The following USH2A variants were observed in gnomAD, a reference collection of about 807,000 sequenced individuals.
The protein encoded by USH2A is usherin.
In USH2A, 443 loss-of-function variants were observed where a neutral mutation model predicts 538.9. The ratio of observed to expected loss-of-function variants is 0.82; its 90% CI spans 0.76 to 0.89. The LOEUF (loss-of-function observed/expected upper bound fraction) is 0.89. Among genes scored for constraint, USH2A ranks in the 40% least tolerant of loss-of-function variants. USH2A has a pLI of 0.00. For synonymous variants in USH2A, 2,413 were observed against 2,273.5 expected, an observed-to-expected ratio of 1.06 and a Z score of -1.75; for missense variants, 6,633 against 6,324.8, an observed-to-expected ratio of 1.05 and a Z score of -1.65.
At chr1:215,754,556 A>G (rs1269649196) in intron 58 of USH2A, among the ~76,000 whole-genome samples, 4 of 152,154 alleles carry the variant, frequency 2.6e-5, no homozygotes, top group Non-Finnish European at 5.9e-5. Context: ...TTTAGCCAGT[A>G]TTTTGGCTTT....
chr1:215,695,012 G>A (rs1402232310), intron 61 of USH2A, among the ~76,000 whole-genome samples: 1 of 152,130 alleles, frequency 6.6e-6, no homozygotes, highest in East Asian at 1.9e-4. Context: ...TGTAAGATAA[G>A]GAAATAAAAA....
chr1:216,377,829 A>AAT (rs1229839938), intron 3 of USH2A, among the ~76,000 whole-genome samples: 1 of 124,178 alleles, frequency 8.1e-6, no homozygotes, highest in Non-Finnish European at 1.8e-5. Context: ...GAAAGAAAGA[A>AAT]AGAAAGAAAG....
chr1:215,829,972 C>A (rs1663266116), intron 47 of USH2A, among the ~76,000 whole-genome samples: 1 of 152,154 alleles, frequency 6.6e-6, no homozygotes, highest in Non-Finnish European at 1.5e-5. Flanking sequence ...GCTTATCTCT[C>A]CCACTGATTA....
chr1:216,169,929 G>C (rs2034245583), intron 21 of USH2A, among the ~76,000 whole-genome samples: 1 of 151,858 alleles, frequency 6.6e-6, no homozygotes, highest in East Asian at 1.9e-4. Context: ...AAAAGAACTG[G>C]GGTTTTGTTT....
intron 16 of USH2A, 94 bp from the exon 17 acceptor site, chr1:216,200,215 A>G (rs964748140): frequency 4.7e-6 from 6 of 1,287,142 alleles, no homozygotes; most frequent in Non-Finnish European, 6.4e-6. Context: ...ATTTAATTAC[A>G]TAAACTATAC....
intron 32 of USH2A, among the ~76,000 whole-genome samples, chr1:216,046,006 G>GGTGTGTGTGT (rs59426829): frequency 0.032 from 4,338 of 137,688 alleles, 106 homozygotes; most frequent in South Asian, 0.069. Flanking sequence ...CTATTTATCT[G>GGTGTGTGTGT]GTGTGTGTGT....
intron 55 of USH2A, among the ~76,000 whole-genome samples, chr1:215,774,621 C>G (rs1215812799): frequency 1.3e-5 from 2 of 151,964 alleles, no homozygotes; most frequent in Admixed American, 6.6e-5. Context: ...TCCAGGCAGA[C>G]TTTTCTTCTC....
intron 3 of USH2A, among the ~76,000 whole-genome samples, chr1:216,395,592 TTAAC>T (rs1423316367): frequency 6.6e-6 from 1 of 152,220 alleles, no homozygotes; most frequent in Non-Finnish European, 1.5e-5. Flanking sequence ...ACAAAAATGT[TTAAC>T]TACGCAAATT....
At chr1:216,192,298 A>AATTTAATC (rs2034733462) in intron 19 of USH2A, among the ~76,000 whole-genome samples, 1 of 152,126 alleles carries the variant, frequency 6.6e-6, no homozygotes, top group Admixed American at 6.6e-5. Flanking sequence ...TTCAGATACA[A>AATTTAATC]ATTTAATCAT....
chr1:215,846,571 T>C (rs184887575), intron 44 of USH2A, among the ~76,000 whole-genome samples: 20 of 152,330 alleles, frequency 1.3e-4, no homozygotes, highest in Admixed American at 9.2e-4. Context: ...ATTGCAGTCT[T>C]ATGTAGGAAT....
chr1:215,861,726 G>A (rs901437061), intron 44 of USH2A, among the ~76,000 whole-genome samples: 3 of 152,066 alleles, frequency 2.0e-5, no homozygotes, highest in African/African-American at 4.8e-5. Flanking sequence ...ATTTCACCTG[G>A]CCATGACTAA....
At position 215,847,281 on chromosome 1, in the gene USH2A, C is replaced by T. The variant is rs563333320; in HGVS notation, c.8846-1248G>A. On this transcript the variant is annotated intron_variant, in intron 44 of 71. Transcript: ENST00000307340. The stretch of plus-strand genomic sequence containing the variant: ...ATTTTCAGAGACTTTTAAGCAGAAA[C>T]GATTACCTTAGTTTGTTAGGATGGG... Among the ~76,000 whole-genome samples, 6 of 152,206 alleles carry T rather than the reference C, an allele frequency of 3.9e-5. No homozygotes were observed. In the East Asian group the frequency reaches 7.7e-4, roughly 20 times the overall value.
chr1:215,630,472 A>ATGTGTG lies in USH2A; in HGVS notation c.15298-1443_15298-1438dup, dbSNP rs200498400. 1.5e-3 allele frequency among the ~76,000 whole-genome samples: 97 copies of ATGTGTG among 64,060 alleles called. No individual in the cohort carries two copies. In the South Asian group the frequency reaches 0.026, roughly 17 times the overall value. The allele number at this position is 64,060 out of a possible 152,430, so 42.0% of individuals were successfully genotyped here. On this transcript the variant is annotated intron_variant, in intron 70 of 71. Coordinates refer to ENST00000307340, the MANE Select transcript of USH2A (RefSeq NM_206933.4). ...TATATGTGAATATATATGTATGTGT[A>ATGTGTG]TGTGTGTGTGTATATATATATATAT...
chr1:215,944,810 GA>G (rs1190737143), intron 37 of USH2A, among the ~76,000 whole-genome samples: 1 of 151,792 alleles, frequency 6.6e-6, no homozygotes, highest in Non-Finnish European at 1.5e-5. Flanking sequence ...ATGTCTTCCT[GA>G]AAAAAAATCA....
intron 29 of USH2A, 116 bp downstream of exon 29, chr1:216,072,773 T>G: frequency 1.0e-6 from 1 of 999,042 alleles, no homozygotes; most frequent in Non-Finnish European, 1.6e-6. Flanking sequence ...AGGCATGCTC[T>G]GTCAGAAGAC....
intron 47 of USH2A, among the ~76,000 whole-genome samples, chr1:215,823,400 C>G (rs1304699857): frequency 6.6e-6 from 1 of 152,026 alleles, no homozygotes; most frequent in Non-Finnish European, 1.5e-5. Context: ...GTTGAGTAGA[C>G]TGTTGCCAAA....
At chr1:215,702,989 G>T (rs1659078166) in intron 61 of USH2A, among the ~76,000 whole-genome samples, 1 of 152,052 alleles carries the variant, frequency 6.6e-6, no homozygotes, top group South Asian at 2.1e-4. Flanking sequence ...TTCGGATGGG[G>T]TTGTTTCATT....
Position 215,758,635 on chromosome 1 carries a change from T to A in USH2A, c.11349A>T (p.Val3783=), listed in dbSNP as rs967676683. 6.2e-7 allele frequency: 1 copy of A among 1,613,754 alleles called. No homozygotes were observed. The highest frequency in any genetic ancestry group is 8.5e-7 in the Non-Finnish European group (1 of 1,179,862). ...EEIYPPYNIT[V]IGPYSIFVAW... ...CTACAAATATAGAATAAGGCCCAAT[T>A]ACTGTGATATTATATGGAGGATAGA... The change falls in exon 58 of 72, where the codon GTA becomes GTT. Residue 3783 remains valine, a synonymous_variant. Coordinates refer to ENST00000307340, the MANE Select transcript of USH2A (RefSeq NM_206933.4).
intron 21 of USH2A, among the ~76,000 whole-genome samples, chr1:216,147,651 G>T (rs981128332): frequency 4.7e-4 from 71 of 150,364 alleles, no homozygotes; most frequent in African/African-American, 1.7e-3. Flanking sequence ...CCCACAACAG[G>T]ATTTAATTAA....
Sources: allele counts gnomAD v4.1 joint callset (sites outside exome capture counted in the v4.1 genomes callset), GRCh38; gene constraint gnomAD v4.1.1; transcripts MANE v1.5; gene names NCBI Gene and HGNC (gene_info 2026-07-23, HGNC 2026-07-21).